The following CMTM4 variants were observed in gnomAD, a reference collection of about 807,000 sequenced individuals.
CMTM4 encodes the protein CKLF like MARVEL transmembrane domain containing 4, also known as CKLF-like MARVEL transmembrane domain-containing protein 4.
A neutral mutation model predicts 19.0 loss-of-function variants in CMTM4; 8 were observed. The ratio of observed to expected loss-of-function variants is 0.42; its 90% CI spans 0.25 to 0.76. CMTM4 has a LOEUF of 0.76. Among genes scored for constraint, CMTM4 ranks in the 30% least tolerant of loss-of-function variants. The probability of loss-of-function intolerance (pLI) is 0.27; values close to 1 mark genes in which losing one functional copy is unlikely to be tolerated. For synonymous variants in CMTM4, 106 were observed against 121.1 expected (o/e 0.88, Z 0.82); for missense variants, 228 against 290.2 (o/e 0.79, Z 1.56).
At position 66,617,890 on chromosome 16, in the gene CMTM4, C is replaced by T. The variant is rs531383607; in HGVS notation, c.*4168G>A. The T allele has an allele frequency of 4.0e-6, 4 of 988,020 alleles. No individual in the cohort carries two copies. The highest frequency in any genetic ancestry group is 1.7e-5 in the African/African-American group (1 of 57,362). The allele number at this position is 988,020 out of a possible 1,614,324, so 61.2% of individuals were successfully genotyped here. A position where few individuals can be genotyped will look rare whatever the true frequency, so the allele number is the denominator to read the frequency against. ...TCTTGCCCTCAAGCTGACTGTGGAA[C>T]GCGAGACAGCTTTCAAAGACAAGAG... On this transcript the variant is annotated 3_prime_UTR_variant, in exon 4 of 4. Transcript: ENST00000394106.
At chr16:66,666,924 G>T (rs963065478) in intron 1 of CMTM4, among the ~76,000 whole-genome samples, 4 of 152,198 alleles carry the variant, frequency 2.6e-5, no homozygotes, top group Non-Finnish European at 4.4e-5. Context: ...TTGGAGGGAG[G>T]GAGGGAGTGA....
At chr16:66,608,368 A>G in the CMTM4 span, 2 of 1,614,156 alleles carry the variant, frequency 1.2e-6, no homozygotes, top group Non-Finnish European at 8.5e-7. The surrounding 1 kb of genome is among the most constrained non-coding windows in gnomAD (Gnocchi z 5.1). Context: ...CCTTCCTCAC[A>G]GCGCCTCTGC....
chr16:66,628,210 T>C (rs1229241598), intron 2 of CMTM4, among the ~76,000 whole-genome samples: 1 of 152,226 alleles, frequency 6.6e-6, no homozygotes, highest in Admixed American at 6.5e-5. Flanking sequence ...TACCGAGACA[T>C]TCCGTTCCCA....
rs759015347 is a variant in CMTM4, at chr16:66,619,571, T to C, written c.*2487A>G. On this transcript the variant is annotated 3_prime_UTR_variant, in exon 4 of 4. Transcript: ENST00000394106. ...TCATTTTAAGGCCCCCAGATATCGA[T>C]TGTCTTCTGTTTGCATATAGAGGCA... 297 of 985,236 alleles carry C rather than the reference T, an allele frequency of 3.0e-4. No individual in the cohort carries two copies. The highest frequency in any genetic ancestry group is 3.4e-4 in the Non-Finnish European group (279 of 829,930). The allele number at this position is 985,236 out of a possible 1,614,324, so 61.0% of individuals were successfully genotyped here.
At chr16:66,643,665 G>C (rs969873975) in intron 1 of CMTM4, among the ~76,000 whole-genome samples, 7 of 152,134 alleles carry the variant, frequency 4.6e-5, no homozygotes, top group African/African-American at 1.7e-4. Context: ...TTTGATGGGA[G>C]CCACATGAAA....
chr16:66,620,069 T>C lies in CMTM4; in HGVS notation c.*1989A>G, dbSNP rs2015601719. ...TTGGGCAACAAGCCCACCTGAATGG[T>C]GTTCTTGTTTTCAATCTCACTTCAA... On this transcript the variant is annotated 3_prime_UTR_variant, in exon 4 of 4. Coordinates refer to ENST00000394106, the MANE Select transcript of CMTM4 (RefSeq NM_181521.3). 1.0e-6 allele frequency: 1 copy of C among 985,256 alleles called. No homozygotes were observed. 61.0% of individuals were successfully genotyped at this position (985,256 alleles called of 1,614,324 possible).
At chr16:66,634,944 T>G (rs564843282) in intron 2 of CMTM4, among the ~76,000 whole-genome samples, 3 of 152,264 alleles carry the variant, frequency 2.0e-5, no homozygotes, top group African/African-American at 7.2e-5. Context: ...AGCAGCTGCT[T>G]CTTTGTCAAA....
chr16:66,675,456 T>C (rs1173913509), intron 1 of CMTM4, among the ~76,000 whole-genome samples: 2 of 131,924 alleles, frequency 1.5e-5, no homozygotes, highest in Admixed American at 7.8e-5. Flanking sequence ...TTATTATTCA[T>C]TAAAAAAAAA....
Position 66,621,152 on chromosome 16 carries a change from G to T in CMTM4, c.*906C>A. 1.0e-6 allele frequency: 1 copy of T among 985,782 alleles called. No homozygotes were observed. Among genetic ancestry groups the T allele is most frequent in the Non-Finnish European group, 1.2e-6 (1 of 829,948 alleles). 61.1% of individuals were successfully genotyped at this position (985,782 alleles called of 1,614,324 possible). A position where few individuals can be genotyped will look rare whatever the true frequency, so the allele number is the denominator to read the frequency against. On this transcript the variant is annotated 3_prime_UTR_variant, in exon 4 of 4. Coordinates refer to ENST00000394106, the MANE Select transcript of CMTM4 (RefSeq NM_181521.3). Reference sequence around the variant, plus strand: ...ACATCCCTAAAATAGAGGGGTGTGTGTGTGCATGTGTGCGCGCACGCGTGT... The same window carrying T: ...ACATCCCTAAAATAGAGGGGTGTGTTTGTGCATGTGTGCGCGCACGCGTGT...
Position 66,683,286 on chromosome 16 carries a change from C to CTTT in CMTM4, c.186+13051_186+13053dup, listed in dbSNP as rs781263895. Among the ~76,000 whole-genome samples, 160 of 78,842 alleles carry CTTT rather than the reference C, an allele frequency of 2.0e-3. 1 individual carries two copies. Among genetic ancestry groups the CTTT allele is most frequent in the East Asian group, 3.4e-3 (8 of 2,344 alleles). 51.7% of individuals were successfully genotyped at this position (78,842 alleles called of 152,430 possible). Reference sequence around the variant, plus strand: ...CATTAATAACCCATTTTTTTCTTTTCTTTTTTTTTTTTTTTTTTTTTTTGA... The same window carrying CTTT: ...CATTAATAACCCATTTTTTTCTTTTCTTTTTTTTTTTTTTTTTTTTTTTTTTGA... On this transcript the variant is annotated intron_variant, in intron 1 of 3. Coordinates refer to ENST00000394106, the MANE Select transcript of CMTM4 (RefSeq NM_181521.3).
downstream of CMTM4, chr16:66,612,751 C>A: frequency 9.6e-7 from 1 of 1,042,374 alleles, no homozygotes; most frequent in Non-Finnish European, 1.4e-6. This position sits in a 1 kb window ranked among gnomAD's most constrained non-coding sequence, Gnocchi z 6.0. Flanking sequence ...GAGGGGGCTG[C>A]GGACACAGCA....
chr16:66,630,024 G>A (rs948639342), intron 2 of CMTM4, among the ~76,000 whole-genome samples: 4 of 152,134 alleles, frequency 2.6e-5, no homozygotes, highest in Non-Finnish European at 5.9e-5. Flanking sequence ...TGCAGAAAAT[G>A]ACTGAACCTG....
In CMTM4 at chr16:66,617,310, G is replaced by A. The variant is rs965640558; in HGVS notation, c.*4748C>T. 1 of 1,614,044 alleles carries A rather than the reference G, an allele frequency of 6.2e-7. No homozygotes were observed. Among genetic ancestry groups the A allele is most frequent in the Non-Finnish European group, 8.5e-7 (1 of 1,180,008 alleles). ...GTTGCCAGTGATTCAAACTCAGCAG[G>A]TTTGTGGGTGATTTTTTCCTTACTG... On this transcript the variant is annotated 3_prime_UTR_variant, in exon 4 of 4. Transcript: ENST00000394106.
intron 1 of CMTM4, among the ~76,000 whole-genome samples, chr16:66,675,795 T>C (rs2016799910): frequency 6.6e-6 from 1 of 152,164 alleles, no homozygotes; most frequent in African/African-American, 2.4e-5. Context: ...GCAAATTATT[T>C]ACACACGACA....
chr16:66,636,944 C>T (rs1187969018), intron 1 of CMTM4, among the ~76,000 whole-genome samples: 1 of 152,128 alleles, frequency 6.6e-6, no homozygotes, highest in Non-Finnish European at 1.5e-5. Flanking sequence ...GTGGGTGTTG[C>T]CTATGTGTGT....
chr16:66,612,959 TC>T, downstream of CMTM4: 1 of 676,678 alleles, frequency 1.5e-6, no homozygotes, highest in South Asian at 1.6e-5. The surrounding 1 kb of genome is among the most constrained non-coding windows in gnomAD (Gnocchi z 6.0). Flanking sequence ...CTTGTCTGTA[TC>T]TGGGCAGCAG....
At chr16:66,605,349 GGCCGGGGCCTCGACCTGCGGGGCCGA>G in the CMTM4 span, 1 of 160,666 alleles carries the variant, frequency 6.2e-6, no homozygotes. This position sits in a 1 kb window ranked among gnomAD's most constrained non-coding sequence, Gnocchi z 4.6. Flanking sequence ...GGGTAGTGCG[GGCCGGGGCCTCGACCTGCGGGGCCGA>G]GCCGGCGGGG....
intron 1 of CMTM4, among the ~76,000 whole-genome samples, chr16:66,667,749 T>G (rs2016625554): frequency 6.6e-6 from 1 of 151,908 alleles, no homozygotes; most frequent in Non-Finnish European, 1.5e-5. Flanking sequence ...ATTAGCCAGG[T>G]GTTGTGGTGT....
chr16:66,683,167 A>G (rs1334388245), intron 1 of CMTM4, among the ~76,000 whole-genome samples: 3 of 84,418 alleles, frequency 3.6e-5, no homozygotes, highest in Non-Finnish European at 5.0e-5. Flanking sequence ...ATACGTATAT[A>G]TATATATACA....
Sources: gnomAD v4.1 joint callset for allele counts (sites outside exome capture counted in the v4.1 genomes callset) on GRCh38, gnomAD v4.1.1 for gene constraint, Gnocchi (gnomAD v3.1) non-coding constraint, MANE v1.5 for transcripts, NCBI Gene and HGNC (gene_info 2026-07-23, HGNC 2026-07-21) for gene names.